ATRN: variants seen among roughly 807,000 people sequenced by gnomAD.
ATRN encodes the protein attractin-2.
A neutral mutation model predicts 178.7 loss-of-function variants in ATRN; 54 were observed. The observed-to-expected ratio is 0.30, with a 90% CI of 0.24 to 0.38. The LOEUF (loss-of-function observed/expected upper bound fraction) is 0.38. Ranked by LOEUF, ATRN falls within the 10% of genes least tolerant of loss-of-function variation. The probability of loss-of-function intolerance (pLI) is 1.00; values close to 1 mark genes in which losing one functional copy is unlikely to be tolerated. For synonymous variants in ATRN, 636 were observed against 663.0 expected, an observed-to-expected ratio of 0.96 and a Z score of 0.63; for missense variants, 1,443 against 1,815.1, an observed-to-expected ratio of 0.79 and a Z score of 3.73.
At chr20:3,544,230 T>C (rs2085665702) in intron 3 of ATRN, among the ~76,000 whole-genome samples, 1 of 152,082 alleles carries the variant, frequency 6.6e-6, no homozygotes, top group Non-Finnish European at 1.5e-5. Context: ...AGAATGCCTG[T>C]TGAGCTTCTT....
chr20:3,553,660 C>A (rs1238003905), intron 6 of ATRN, among the ~76,000 whole-genome samples: 1 of 152,206 alleles, frequency 6.6e-6, no homozygotes, highest in East Asian at 1.9e-4. Flanking sequence ...AGCACTCCTG[C>A]CCCACCAACC....
At position 3,516,299 on chromosome 20, in the gene ATRN, G is replaced by A. The variant is rs911758170; in HGVS notation, c.411-18954G>A. Among the ~76,000 whole-genome samples the A allele has an allele frequency of 5.9e-5, 9 of 152,156 alleles. No homozygotes were observed. The East Asian group carries it at 1.5e-3, about 26-fold the overall frequency. On this transcript the variant is annotated intron_variant, in intron 1 of 28. Transcript: ENST00000262919. ...CAAATAGCATAATATTTTGTCTCTA[G>A]CCTTATCTAGCTGCTTGTTGGTATA...
chr20:3,535,626 C>CACACACACACACACACACAT (rs1491226542), intron 2 of ATRN, among the ~76,000 whole-genome samples: 85 of 115,900 alleles, frequency 7.3e-4, no homozygotes, highest in Admixed American at 1.3e-3. Flanking sequence ...CACACACACA[C>CACACACACACACACACACAT]ATATATATTT....
At chr20:3,576,091 CT>C in intron 13 of ATRN, 143 bp downstream of exon 13, 1 of 1,024,854 alleles carries the variant, frequency 9.8e-7, no homozygotes, top group Non-Finnish European at 1.3e-6. Flanking sequence ...TGAGGTTTTC[CT>C]TTAGGAAGAG....
At chr20:3,522,292 C>T (rs747773176) in intron 1 of ATRN, among the ~76,000 whole-genome samples, 28 of 152,238 alleles carry the variant, frequency 1.8e-4, no homozygotes, top group Middle Eastern at 3.4e-3. Context: ...GAATTTGTAC[C>T]TGCAAAAGTT....
At chr20:3,506,273 C>T (rs555766370) in intron 1 of ATRN, among the ~76,000 whole-genome samples, 53 of 152,246 alleles carry the variant, frequency 3.5e-4, no homozygotes, top group African/African-American at 1.2e-3. Flanking sequence ...GCTATTATCT[C>T]AATTAAAATT....
At chr20:3,518,005 C>T (rs923475977) in intron 1 of ATRN, among the ~76,000 whole-genome samples, 1 of 152,210 alleles carries the variant, frequency 6.6e-6, no homozygotes, top group African/African-American at 2.4e-5. Context: ...ATTAACTTAG[C>T]TGAGTTCTCC....
rs2086591084 is a variant in ATRN, at chr20:3,600,299, TG to T, written c.3565-645del. ...CCCTGTGAACTGCTATATCTCTAAG[TG>T]GTAGACAAGGTTTTCAAAACTAAGA... On this transcript the variant is annotated intron_variant, in intron 22 of 28. Coordinates refer to ENST00000262919, the MANE Select transcript of ATRN (RefSeq NM_139321.3). Among the ~76,000 whole-genome samples, 3 of 152,260 alleles carry T rather than the reference TG, an allele frequency of 2.0e-5. No individual in the cohort carries two copies. The South Asian group carries it at 6.2e-4, about 32-fold the overall frequency.
intron 2 of ATRN, among the ~76,000 whole-genome samples, chr20:3,536,117 A>G (rs1354375008): frequency 6.6e-6 from 1 of 151,682 alleles, no homozygotes; most frequent in East Asian, 1.9e-4. Context: ...TTCATGGGAG[A>G]CTTTTAAAGC....
intron 24 of ATRN, among the ~76,000 whole-genome samples, chr20:3,607,985 T>A (rs1035153803): frequency 2.0e-5 from 3 of 152,246 alleles, no homozygotes. Flanking sequence ...TGAGATTTTT[T>A]TCATATGCCT....
At chr20:3,532,952 C>A (rs1437422164) in intron 1 of ATRN, among the ~76,000 whole-genome samples, 3 of 152,056 alleles carry the variant, frequency 2.0e-5, no homozygotes, top group Non-Finnish European at 4.4e-5. Flanking sequence ...TTAGTAGAGA[C>A]GGGGTTTCAC....
rs372390070 is a variant in ATRN, at chr20:3,482,555, TG to T, written c.410+11039del. On this transcript the variant is annotated intron_variant, in intron 1 of 28. Coordinates refer to ENST00000262919, the MANE Select transcript of ATRN (RefSeq NM_139321.3). ...ATGAAAAGGCCAACCTGGCTATAAT[TG>T]TCACTCAGTTTTCCCTTTTGAACAC... is the stretch of plus-strand genomic sequence containing the variant. Among the ~76,000 whole-genome samples, 143 of 152,356 alleles carry T rather than the reference TG, an allele frequency of 9.4e-4. No individual in the cohort carries two copies. In the South Asian group the frequency reaches 0.018, roughly 19 times the overall value.
At chr20:3,584,294 A>C (rs2086324696) in intron 17 of ATRN, among the ~76,000 whole-genome samples, 1 of 152,206 alleles carries the variant, frequency 6.6e-6, no homozygotes, top group Non-Finnish European at 1.5e-5. Context: ...AATAAATGTA[A>C]GATAGATCAC....
chr20:3,608,700 C>T (rs1349968889), intron 24 of ATRN, among the ~76,000 whole-genome samples: 2 of 152,146 alleles, frequency 1.3e-5, no homozygotes, highest in Non-Finnish European at 2.9e-5. Flanking sequence ...AGTACAGCAG[C>T]TCGTGCCTAT....
At chr20:3,611,695 T>C (rs1035451532) in intron 24 of ATRN, among the ~76,000 whole-genome samples, 63 of 152,350 alleles carry the variant, frequency 4.1e-4, no homozygotes, top group Non-Finnish European at 2.9e-4. Flanking sequence ...TGAGCTGAGA[T>C]TGTGCTACTG....
chr20:3,617,090 T>C (rs550799425), intron 24 of ATRN, among the ~76,000 whole-genome samples: 75 of 152,352 alleles, frequency 4.9e-4, no homozygotes, highest in Middle Eastern at 3.4e-3. Context: ...ACAACTTTTA[T>C]AACTTTTATA....
chr20:3,613,331 G>A (rs999029270), intron 24 of ATRN, among the ~76,000 whole-genome samples: 8 of 152,076 alleles, frequency 5.3e-5, no homozygotes, highest in Non-Finnish European at 8.8e-5. Context: ...CTCAGTCCTC[G>A]CATGAGAGCC....
At chr20:3,510,268 G>A (rs1177856286) in intron 1 of ATRN, among the ~76,000 whole-genome samples, 1 of 152,148 alleles carries the variant, frequency 6.6e-6, no homozygotes, top group Admixed American at 6.5e-5. Flanking sequence ...TAGAACAGAG[G>A]TCAACAAACA....
At chr20:3,601,730 G>A (rs1231110068) in intron 23 of ATRN, among the ~76,000 whole-genome samples, 1 of 146,256 alleles carries the variant, frequency 6.8e-6, no homozygotes, top group African/African-American at 2.5e-5. Context: ...CAGGTGTAGT[G>A]ACTCATACCT....
Sources: gnomAD v4.1 joint callset for allele counts (sites outside exome capture counted in the v4.1 genomes callset) on GRCh38, gnomAD v4.1.1 for gene constraint, MANE v1.5 for transcripts, NCBI Gene and HGNC (gene_info 2026-07-23, HGNC 2026-07-21) for gene names.